Variants in TBC1D16 observed in about 807,000 individuals in gnomAD.
TBC1D16 encodes the protein CTD-2529O21.1.
Under a neutral mutation model 74.7 loss-of-function variants are expected in TBC1D16, and 58 were observed. The observed-to-expected ratio is 0.78, with a 90% CI of 0.63 to 0.97. The LOEUF (loss-of-function observed/expected upper bound fraction) is 0.97, where lower values mean the gene tolerates loss of function less well. Ranked by LOEUF, TBC1D16 falls within the 50% of genes least tolerant of loss-of-function variation. The pLI is 0.00. For synonymous variants in TBC1D16, 493 were observed against 474.7 expected, an observed-to-expected ratio of 1.04 and a Z score of -0.50; for missense variants, 1,014 against 1,079.5, an observed-to-expected ratio of 0.94 and a Z score of 0.85.
In TBC1D16 at chr17:79,952,727, C is replaced by T. The variant is rs150604803; in HGVS notation, c.871G>A (p.Ala291Thr). The change falls in exon 4 of 12, where the codon GCC becomes ACC. Residue 291 changes from alanine (A) to threonine (T), a missense_variant. Physicochemically the swap from Ala to Thr is moderately conservative, Grantham distance 58. Coordinates refer to ENST00000310924, the MANE Select transcript of TBC1D16 (RefSeq NM_019020.4). ...AACACGCCGCAAATCTGCTCCAGGG[C>T]GCACACCCGCTGCGGCTCGTCCCAG... Reference protein sequence around the residue: ...PRWDEPQRVCALEQICGVFRV... With the variant: ...PRWDEPQRVCTLEQICGVFRV... The T allele has an allele frequency of 6.1e-3, 9,890 of 1,612,396 alleles. 46 individuals are homozygous for T. Among genetic ancestry groups the T allele is most frequent in the Non-Finnish European group, 6.5e-3 (7,687 of 1,179,336 alleles).
Position 80,008,369 on chromosome 17 carries a change from T to A in TBC1D16, c.779+1791A>T, listed in dbSNP as rs535704388. On this transcript the variant is annotated intron_variant, in intron 3 of 11. Transcript: ENST00000310924. The surrounding 1 kb of genome is among the most constrained non-coding windows in gnomAD (Gnocchi z 4.5). ...CACTCAACTCCCTAACTCCTAAACTTGAGCTCCCTACGAGATGGGGCTGCG... is the reference window on the plus strand; with the variant it reads ...CACTCAACTCCCTAACTCCTAAACTAGAGCTCCCTACGAGATGGGGCTGCG... 6.6e-6 allele frequency among the ~76,000 whole-genome samples: 1 copy of A among 152,186 alleles called. No homozygotes were observed. The highest frequency in any genetic ancestry group is 2.4e-5 in the African/African-American group (1 of 41,510).
intron 1 of TBC1D16, among the ~76,000 whole-genome samples, chr17:80,025,265 C>T (rs1362390529): frequency 2.0e-5 from 3 of 150,010 alleles, no homozygotes; most frequent in Admixed American, 6.6e-5. Context: ...TCTCCGACAG[C>T]GCCAGTGTTG....
chr17:79,970,206 A>G (rs2034022313), intron 3 of TBC1D16, among the ~76,000 whole-genome samples: 2 of 152,214 alleles, frequency 1.3e-5, no homozygotes, highest in African/African-American at 4.8e-5. Context: ...CTATGATTTC[A>G]TTTATATGAA....
rs958572694 is a variant in TBC1D16, at chr17:79,980,451, C to T, written c.780-27633G>A. On this transcript the variant is annotated intron_variant, in intron 3 of 11. Coordinates refer to ENST00000310924, the MANE Select transcript of TBC1D16 (RefSeq NM_019020.4). This position sits in a 1 kb window ranked among gnomAD's most constrained non-coding sequence, Gnocchi z 7.0. ...GGGAACATGCAGTGGGAGTCTGGGCCGCTACGTTGTGGGGTGGTGTAACCA... is the reference window on the plus strand; with the variant it reads ...GGGAACATGCAGTGGGAGTCTGGGCTGCTACGTTGTGGGGTGGTGTAACCA... Among the ~76,000 whole-genome samples, 2 of 152,108 alleles carry T rather than the reference C, an allele frequency of 1.3e-5. No homozygotes were observed. Among genetic ancestry groups the T allele is most frequent in the African/African-American group, 2.4e-5 (1 of 41,400 alleles).
At chr17:79,949,100 C>T (rs1395386956) in intron 7 of TBC1D16, 94 bp from the exon 8 acceptor site, 66 of 1,542,696 alleles carry the variant, frequency 4.3e-5, no homozygotes, top group South Asian at 3.6e-4. Flanking sequence ...TTCCTCCCAA[C>T]CCCCGTTCCC....
chr17:80,011,274 T>C (rs2035881362), intron 2 of TBC1D16, among the ~76,000 whole-genome samples: 1 of 150,620 alleles, frequency 6.6e-6, no homozygotes, highest in African/African-American at 2.4e-5. Flanking sequence ...CTCAAACGCC[T>C]GAGCTCAAGC....
In TBC1D16 at chr17:80,001,287, G is replaced by A. The variant is rs2035476397; in HGVS notation, c.779+8873C>T. Among the ~76,000 whole-genome samples, 1 of 152,246 alleles carries A rather than the reference G, an allele frequency of 6.6e-6. No individual in the cohort carries two copies. The highest frequency in any genetic ancestry group is 2.4e-5 in the African/African-American group (1 of 41,476). On this transcript the variant is annotated intron_variant, in intron 3 of 11. Transcript: ENST00000310924. This position sits in a 1 kb window ranked among gnomAD's most constrained non-coding sequence, Gnocchi z 5.8. ...GGCAGGGGGGAGTCTGGGGGAGGGAGGAACGCCACACAGAGCCTGCCAAGT... is the reference window on the plus strand; with the variant it reads ...GGCAGGGGGGAGTCTGGGGGAGGGAAGAACGCCACACAGAGCCTGCCAAGT...
chr17:79,984,550 A>AAAGG (rs2034734563), intron 3 of TBC1D16, among the ~76,000 whole-genome samples: 2 of 77,658 alleles, frequency 2.6e-5, no homozygotes, highest in African/African-American at 4.9e-5. Flanking sequence ...TTTATAATTA[A>AAAGG]AAAGAAAGAA....
In TBC1D16 at chr17:79,936,470, GA is replaced by G. The variant is rs2031595535; in HGVS notation, c.*4388del. ...CTTAGAGTCCCCAATGCACTCCCAGGAGGTGGCCTGGGCAGGCAGGCATCAT... is the reference window on the plus strand; with the variant it reads ...CTTAGAGTCCCCAATGCACTCCCAGGGGTGGCCTGGGCAGGCAGGCATCAT... On this transcript the variant is annotated 3_prime_UTR_variant, in exon 12 of 12. Transcript: ENST00000310924. The G allele has an allele frequency of 6.6e-6, 1 of 152,242 alleles. No homozygotes were observed. Among genetic ancestry groups the G allele is most frequent in the African/African-American group, 2.4e-5 (1 of 41,432 alleles). 9.4% of individuals were successfully genotyped at this position (152,242 alleles called of 1,614,324 possible). A position where few individuals can be genotyped will look rare whatever the true frequency, so the allele number is the denominator to read the frequency against.
At chr17:79,958,058 G>T (rs76661608) in intron 3 of TBC1D16, among the ~76,000 whole-genome samples, 2 of 151,922 alleles carry the variant, frequency 1.3e-5, no homozygotes, top group Non-Finnish European at 2.9e-5. Flanking sequence ...CAGGCCCAGG[G>T]TAATGAAATA....
At chr17:80,006,113 C>T (rs1283131955) in intron 3 of TBC1D16, among the ~76,000 whole-genome samples, 1 of 152,200 alleles carries the variant, frequency 6.6e-6, no homozygotes, top group African/African-American at 2.4e-5. Flanking sequence ...AACACCCCTG[C>T]CTGGCGGGAT....
At position 79,950,267 on chromosome 17, in the gene TBC1D16, C is replaced by G; in HGVS notation, c.1257+144G>C. On this transcript the variant is annotated intron_variant, in intron 6 of 11. Transcript: ENST00000310924. This position sits in a 1 kb window ranked among gnomAD's most constrained non-coding sequence, Gnocchi z 4.6. ...GCTTTATCGGTGTGTTCACAGAGAG[C>G]CTCACACAAGAAAACGGGGCCCTCA... 1 of 866,708 alleles carries G rather than the reference C, an allele frequency of 1.2e-6. No homozygotes were observed. The highest frequency in any genetic ancestry group is 1.7e-6 in the Non-Finnish European group (1 of 584,076). The allele number at this position is 866,708 out of a possible 1,614,324, so 53.7% of individuals were successfully genotyped here.
Position 79,961,049 on chromosome 17 carries a change from T to C in TBC1D16, c.780-8231A>G, listed in dbSNP as rs1187922293. ...ATGTTTATAGCAGTTTTATTCATCA[T>C]TGCAGAAAACAGGAAATGACACAAA... On this transcript the variant is annotated intron_variant, in intron 3 of 11. Transcript: ENST00000310924. This position sits in a 1 kb window ranked among gnomAD's most constrained non-coding sequence, Gnocchi z 4.8. Among the ~76,000 whole-genome samples, 3 of 152,216 alleles carry C rather than the reference T, an allele frequency of 2.0e-5. No individual in the cohort carries two copies. The highest frequency in any genetic ancestry group is 7.2e-5 in the African/African-American group (3 of 41,460).
chr17:79,984,433 G>A (rs1042059636), intron 3 of TBC1D16, among the ~76,000 whole-genome samples: 10 of 152,116 alleles, frequency 6.6e-5, no homozygotes, highest in Non-Finnish European at 1.2e-4. Context: ...AAGGCTGAAG[G>A]AAATACACCA....
At chr17:79,970,841 AG>A (rs2034062242) in intron 3 of TBC1D16, among the ~76,000 whole-genome samples, 1 of 147,950 alleles carries the variant, frequency 6.8e-6, no homozygotes, top group Admixed American at 6.7e-5. Context: ...TACGAGTCCC[AG>A]TGCAAAAACA....
At chr17:79,960,779 CAAAAAA>C (rs746450905) in intron 3 of TBC1D16, among the ~76,000 whole-genome samples, 1,036 of 33,940 alleles carry the variant, frequency 0.031, 76 homozygotes, top group African/African-American at 0.056. Flanking sequence ...AACAAAAACC[CAAAAAA>C]AAAAAAAAAA....
intron 4 of TBC1D16, 103 bp downstream of exon 4, chr17:79,952,554 C>T: frequency 1.4e-6 from 2 of 1,408,220 alleles, no homozygotes; most frequent in Non-Finnish European, 1.9e-6. Context: ...CCATCCAGGG[C>T]CCTGTGTCCC....
At chr17:79,945,396 C>T (rs1224825144) in intron 9 of TBC1D16, among the ~76,000 whole-genome samples, 1 of 152,166 alleles carries the variant, frequency 6.6e-6, no homozygotes, top group Non-Finnish European at 1.5e-5. Context: ...CAGGAAGGCT[C>T]CCCACCCTCA....
rs926975229 is a variant in TBC1D16 at position 79,947,521 on chromosome 17, G to A, written c.1728+124C>T. 3.6e-5 allele frequency: 39 copies of A among 1,083,020 alleles called. No homozygotes were observed. In the Admixed American group the frequency reaches 4.8e-4, roughly 13 times the overall value. 67.1% of individuals were successfully genotyped at this position (1,083,020 alleles called of 1,614,324 possible). On this transcript the variant is annotated intron_variant, in intron 9 of 11. Transcript: ENST00000310924. ...TCCCACGGGCAAGTCCTATCCTGGCGTTCCCACTGCCCACTGACCTACAGC... is the reference window on the plus strand; with the variant it reads ...TCCCACGGGCAAGTCCTATCCTGGCATTCCCACTGCCCACTGACCTACAGC...
Sources: allele counts gnomAD v4.1 joint callset (sites outside exome capture counted in the v4.1 genomes callset), GRCh38; gene constraint gnomAD v4.1.1; non-coding constraint Gnocchi (gnomAD v3.1); transcripts MANE v1.5; gene names NCBI Gene and HGNC (gene_info 2026-07-23, HGNC 2026-07-21).